Variants in CRAMP1 observed in about 807,000 individuals in gnomAD.
CRAMP1 encodes the protein protein cramped-like.
In CRAMP1, 50 loss-of-function variants were observed where a neutral mutation model predicts 115.4. The ratio of observed to expected loss-of-function variants is 0.43; its 90% confidence interval spans 0.35 to 0.55. The LOEUF is 0.55. Among genes scored for constraint, CRAMP1 ranks in the 20% least tolerant of loss-of-function variants. The pLI, the probability that CRAMP1 is intolerant of heterozygous loss-of-function variation, is 0.01. For synonymous variants in CRAMP1, 866 were observed against 745.4 expected, an observed-to-expected ratio of 1.16 and a Z score of -2.64; for missense variants, 1,679 against 1,721.7, an observed-to-expected ratio of 0.98 and a Z score of 0.44.
Position 1,612,942 on chromosome 16 carries a change from G to C in CRAMP1, c.-2+285G>C, listed in dbSNP as rs1398428025. ...TTGTTGGCCCTTAGGGTAAAGTCTGGACGGCGTCGGTCCTTTCAGTGGCGA... is the reference window on the plus strand; with the variant it reads ...TTGTTGGCCCTTAGGGTAAAGTCTGCACGGCGTCGGTCCTTTCAGTGGCGA... On this transcript the variant is annotated intron_variant, in intron 1 of 20. Coordinates refer to ENST00000397412, the MANE Select transcript of CRAMP1 (RefSeq NM_020825.4). Among the ~76,000 whole-genome samples, 3 of 152,190 alleles carry C rather than the reference G, an allele frequency of 2.0e-5. No homozygotes were observed. The East Asian group carries it at 5.9e-4, about 30-fold the overall frequency.
chr16:1,660,619 C>T (rs1026756545), intron 11 of CRAMP1, among the ~76,000 whole-genome samples: 6 of 152,274 alleles, frequency 3.9e-5, no homozygotes, highest in Admixed American at 2.6e-4. Context: ...AACAGTTTCC[C>T]GAGGCATCAG....
At chr16:1,632,478 C>T (rs933269211) in intron 4 of CRAMP1, 113 bp downstream of exon 4, 1 of 1,112,086 alleles carries the variant, frequency 9.0e-7, no homozygotes, top group Non-Finnish European at 1.3e-6. Flanking sequence ...TTCTCACCAG[C>T]CGCTTGGCCT....
chr16:1,631,819 G>T (rs2036550170), intron 3 of CRAMP1, among the ~76,000 whole-genome samples: 1 of 152,178 alleles, frequency 6.6e-6, no homozygotes, highest in Non-Finnish European at 1.5e-5. Flanking sequence ...GGATGTTTCT[G>T]ATCTGTTCTT....
rs2036891172 is a variant in CRAMP1 at position 1,668,040 on chromosome 16, G to A, written c.3181G>A (p.Glu1061Lys). 1 of 1,613,922 alleles carries A rather than the reference G, an allele frequency of 6.2e-7. No homozygotes were observed. The highest frequency in any genetic ancestry group is 8.5e-7 in the Non-Finnish European group (1 of 1,179,900). Residue 1061 changes from glutamate to lysine, a missense_variant, in exon 18 of 21, where the codon GAG becomes AAG. Around this residue, in one of 8 missense-constraint regions of CRAMP1, gnomAD observed 709 missense variants for 741.9 expected, o/e 0.96. Transcript: ENST00000397412. ...CCTCTCCATACCGCTGTCCTCGTCA[G>A]AGAGCTCCAGCACCCGGCTGTCTCC... The part of the protein sequence containing the change: ...NGLSIPLSSS[E>K]SSSTRLSPPD...
At position 1,665,093 on chromosome 16, in the gene CRAMP1, CACA is replaced by C. The variant is rs1056837023; in HGVS notation, c.2710_2712del (p.Asn904del). 12 of 1,613,360 alleles carry C rather than the reference CACA, an allele frequency of 7.4e-6. No individual in the cohort carries two copies. The highest frequency in any genetic ancestry group is 4.0e-5 in the African/African-American group (3 of 74,892). Reference sequence around the variant, plus strand: ...CCCTAGACCATCGGAAAACCAGTCCCACAACGTTTGTTCCTTCTCCATCCTGTC... The same window carrying C: ...CCCTAGACCATCGGAAAACCAGTCCCACGTTTGTTCCTTCTCCATCCTGTC... On this transcript the variant is annotated inframe_deletion, in exon 14 of 21. Transcript: ENST00000397412.
intron 4 of CRAMP1, among the ~76,000 whole-genome samples, chr16:1,634,955 A>G (rs2036575517): frequency 6.6e-6 from 1 of 152,102 alleles, no homozygotes; most frequent in South Asian, 2.1e-4. Flanking sequence ...CTAGAGTGCC[A>G]TGGCGCACTC....
In CRAMP1 at chr16:1,660,075, G is replaced by T. The variant is rs368538467; in HGVS notation, c.2413+12G>T. 2.6e-6 allele frequency: 4 copies of T among 1,537,456 alleles called. No homozygotes were observed. In the African/African-American group the frequency reaches 5.5e-5, roughly 21 times the overall value. On this transcript the variant is annotated intron_variant, in intron 11 of 20. Coordinates refer to ENST00000397412, the MANE Select transcript of CRAMP1 (RefSeq NM_020825.4). The stretch of plus-strand genomic sequence containing the variant: ...ACCCTGCTCCTCAGGTGAGGCTGTG[G>T]CAGCCACACTCCTTGTGCCTGGGCT...
At chr16:1,654,712 C>T (rs1055198330) in intron 8 of CRAMP1, among the ~76,000 whole-genome samples, 3 of 152,228 alleles carry the variant, frequency 2.0e-5, no homozygotes, top group African/African-American at 4.8e-5. Context: ...TCTCAGTGGA[C>T]TTGCCTGCTC....
chr16:1,657,744 G>C (rs2036788525), intron 10 of CRAMP1, among the ~76,000 whole-genome samples: 1 of 152,188 alleles, frequency 6.6e-6, no homozygotes, highest in Non-Finnish European at 1.5e-5. Context: ...ACTGCTGCCA[G>C]GAGTAATCCT....
At chr16:1,627,595 C>T (rs1295508792) in intron 3 of CRAMP1, among the ~76,000 whole-genome samples, 2 of 152,152 alleles carry the variant, frequency 1.3e-5, no homozygotes, top group Non-Finnish European at 2.9e-5. Context: ...CAGGGTCGCT[C>T]CCGCCCTGGG....
chr16:1,619,023 C>T (rs941143829), intron 2 of CRAMP1, among the ~76,000 whole-genome samples: 7 of 152,114 alleles, frequency 4.6e-5, no homozygotes, highest in Admixed American at 1.3e-4. Context: ...GTAGACTTTT[C>T]GATTTTCATT....
chr16:1,639,864 T>C (rs939881632), intron 5 of CRAMP1, among the ~76,000 whole-genome samples: 35 of 152,208 alleles, frequency 2.3e-4, no homozygotes, highest in African/African-American at 8.2e-4. Flanking sequence ...TCAGCGTGAA[T>C]TGGCCTTAGG....
chr16:1,654,699 G>C (rs2036754555), intron 8 of CRAMP1, among the ~76,000 whole-genome samples: 1 of 152,168 alleles, frequency 6.6e-6, no homozygotes, highest in South Asian at 2.1e-4. Flanking sequence ...AGTCCGCCTT[G>C]TGTCTCAGTG....
intron 14 of CRAMP1, among the ~76,000 whole-genome samples, chr16:1,665,449 C>T (rs934873918): frequency 1.2e-4 from 19 of 152,052 alleles, no homozygotes; most frequent in African/African-American, 4.3e-4. Context: ...TCTTGTCAGC[C>T]GTTTTATGGG....
At position 1,665,962 on chromosome 16, in the gene CRAMP1, G is replaced by A. The variant is rs537130600; in HGVS notation, c.2753-111G>A. ...TGTTCAGTGGCTTCCAGCTTGGCTC[G>A]GCTCCCACACTCCCAACAGTGGCTG... On this transcript the variant is annotated intron_variant, in intron 14 of 20. Coordinates refer to ENST00000397412, the MANE Select transcript of CRAMP1 (RefSeq NM_020825.4). The A allele has an allele frequency of 9.8e-5, 69 of 700,992 alleles. No homozygotes were observed. The South Asian group carries it at 1.0e-3, about 10-fold the overall frequency. The allele number at this position is 700,992 out of a possible 1,614,324, so 43.4% of individuals were successfully genotyped here.
At position 1,666,508 on chromosome 16, in the gene CRAMP1, T is replaced by C. The variant is rs1265842180; in HGVS notation, c.2944T>C (p.Ser982Pro). 3.1e-6 allele frequency: 5 copies of C among 1,613,772 alleles called. No homozygotes were observed. The highest frequency in any genetic ancestry group is 4.2e-6 in the Non-Finnish European group (5 of 1,179,852). Residue 982 changes from serine (S) to proline (P), a missense_variant, in exon 16 of 21, where the codon TCT becomes CCT. Ser to Pro is a moderately conservative substitution (Grantham distance 74). This residue lies in a region of CRAMP1 where 709 missense variants were observed against 741.9 expected (regional missense o/e 0.96). Transcript: ENST00000397412. The surrounding 1 kb of genome is among the most constrained non-coding windows in gnomAD (Gnocchi z 5.0). ...GGACACCGAGGGCTTGTCTGGCATCTCTCCACTGTCTTCAGACGAGGTGAC... is the reference window on the plus strand; with the variant it reads ...GGACACCGAGGGCTTGTCTGGCATCCCTCCACTGTCTTCAGACGAGGTGAC... The part of the protein sequence containing the change: ...ALDTEGLSGI[S>P]PLSSDEVTGA...
Position 1,643,017 on chromosome 16 carries a change from C to G in CRAMP1, c.827+1830C>G, listed in dbSNP as rs560034815. Among the ~76,000 whole-genome samples, 26 of 152,268 alleles carry G rather than the reference C, an allele frequency of 1.7e-4. No individual in the cohort carries two copies. In the South Asian group the frequency reaches 5.4e-3, roughly 32 times the overall value. On this transcript the variant is annotated intron_variant, in intron 6 of 20. Transcript: ENST00000397412. Reference sequence around the variant, plus strand: ...AGGGAGTTCCCAGGGACTGGAGACACTTGACAAACAAATGCAGGTAGTAGC... The same window carrying G: ...AGGGAGTTCCCAGGGACTGGAGACAGTTGACAAACAAATGCAGGTAGTAGC...
chr16:1,618,214 G>A (rs746638637), intron 2 of CRAMP1, among the ~76,000 whole-genome samples: 3 of 152,136 alleles, frequency 2.0e-5, no homozygotes, highest in African/African-American at 7.2e-5. Context: ...CCCGGGAGGC[G>A]GAGGTTGCAG....
chr16:1,640,496 A>G (rs2036623030), intron 5 of CRAMP1, among the ~76,000 whole-genome samples: 1 of 152,214 alleles, frequency 6.6e-6, no homozygotes, highest in African/African-American at 2.4e-5. Flanking sequence ...AAACATGCAG[A>G]AGAATTCAAA....
Sources: gnomAD v4.1 joint callset for allele counts (sites outside exome capture counted in the v4.1 genomes callset) on GRCh38, gnomAD v4.1.1 for gene constraint, gnomAD v4.1.1 regional missense constraint, Gnocchi (gnomAD v3.1) non-coding constraint, MANE v1.5 for transcripts, NCBI Gene and HGNC (gene_info 2026-07-23, HGNC 2026-07-21) for gene names.